The following FGGY variants were observed in gnomAD, a reference collection of about 807,000 sequenced individuals.
FGGY encodes the protein FGGY carbohydrate kinase domain containing.
FGGY carries 72 observed loss-of-function variants against 71.3 expected under a neutral mutation model. That is an observed-to-expected ratio of 1.01 (90% CI 0.84 to 1.23). The LOEUF is 1.23. FGGY is among the 50% of genes most tolerant of loss of function. The pLI is 0.00. For synonymous variants in FGGY, 251 were observed against 250.3 expected (o/e 1.00, Z -0.02); for missense variants, 668 against 682.3 (o/e 0.98, Z 0.23).
intron 8 of FGGY, among the ~76,000 whole-genome samples, chr1:59,583,000 G>A (rs1360216707): frequency 6.9e-6 from 1 of 144,734 alleles, no homozygotes; most frequent in East Asian, 2.0e-4. Flanking sequence ...GTGTACTGGT[G>A]TCTGTAATGC....
intron 4 of FGGY, among the ~76,000 whole-genome samples, chr1:59,355,219 G>T (rs1287956303): frequency 1.3e-5 from 2 of 149,526 alleles, no homozygotes; most frequent in Non-Finnish European, 3.0e-5. Flanking sequence ...ACTTCATACT[G>T]TTTTTTTTTT....
intron 5 of FGGY, among the ~76,000 whole-genome samples, chr1:59,441,303 C>T (rs1557935006): frequency 6.6e-6 from 1 of 152,112 alleles, no homozygotes; most frequent in Non-Finnish European, 1.5e-5. Context: ...TCTAACTGTG[C>T]AGGAGGGCAC....
chr1:59,653,143 C>G (rs1299527329), intron 11 of FGGY, among the ~76,000 whole-genome samples: 1 of 152,210 alleles, frequency 6.6e-6, no homozygotes, highest in Non-Finnish European at 1.5e-5. Context: ...GGGAGAACCA[C>G]TGCTCTCTTC....
intron 13 of FGGY, among the ~76,000 whole-genome samples, chr1:59,669,705 G>A (rs1025002319): frequency 1.3e-5 from 2 of 151,996 alleles, no homozygotes; most frequent in African/African-American, 2.4e-5. Context: ...CCAATTTCCA[G>A]CCTTCTGATA....
chr1:59,714,944 T>C (rs1320098138), intron 14 of FGGY, among the ~76,000 whole-genome samples: 2 of 152,242 alleles, frequency 1.3e-5, no homozygotes, highest in Non-Finnish European at 2.9e-5. Context: ...ACATGCATCA[T>C]ACTTCCGAGG....
chr1:59,709,287 G>T (rs1286468039), intron 14 of FGGY, among the ~76,000 whole-genome samples: 2 of 152,178 alleles, frequency 1.3e-5, no homozygotes, highest in African/African-American at 4.8e-5. Context: ...AAAAGAGTGA[G>T]TGCAGAGGAA....
chr1:59,314,041 C>T (rs1170684863), intron 1 of FGGY, among the ~76,000 whole-genome samples: 1 of 152,016 alleles, frequency 6.6e-6, no homozygotes, highest in Non-Finnish European at 1.5e-5. Context: ...ATCTCGCTCA[C>T]TGCAAGCTCT....
At chr1:59,577,681 A>G (rs2096106833) in intron 8 of FGGY, among the ~76,000 whole-genome samples, 1 of 152,178 alleles carries the variant, frequency 6.6e-6, no homozygotes, top group African/African-American at 2.4e-5. Flanking sequence ...GTAGTTTTAA[A>G]TACTTTATGA....
At chr1:59,551,454 G>T (rs1461325402) in intron 7 of FGGY, among the ~76,000 whole-genome samples, 1 of 152,206 alleles carries the variant, frequency 6.6e-6, no homozygotes, top group African/African-American at 2.4e-5. Context: ...AAATGTGGGT[G>T]ATTCTCAGGA....
intron 9 of FGGY, among the ~76,000 whole-genome samples, chr1:59,614,720 T>C (rs947209873): frequency 3.9e-5 from 6 of 152,188 alleles, no homozygotes; most frequent in Admixed American, 2.6e-4. Context: ...TTCCTGTTTG[T>C]AGATGACATG....
chr1:59,660,480 T>A (rs2097264459), intron 12 of FGGY, 187 bp downstream of exon 12: 2 of 424,236 alleles, frequency 4.7e-6, no homozygotes, highest in Admixed American at 8.0e-5. Flanking sequence ...CTTTAACTAA[T>A]AACCTCACAT....
In FGGY at chr1:59,501,159, A is replaced by G. The variant is rs553763503; in HGVS notation, c.671-11152A>G. Among the ~76,000 whole-genome samples the G allele has an allele frequency of 1.5e-4, 23 of 152,318 alleles. No homozygotes were observed. The East Asian group carries it at 4.2e-3, about 28-fold the overall frequency. On this transcript the variant is annotated intron_variant, in intron 6 of 15. Transcript: ENST00000303721. Reference sequence around the variant, plus strand: ...GTTTGCAAACAGTAGTCCAGACGAGAAACCAACGCTGGCCCTTGACAAAGT... The same window carrying G: ...GTTTGCAAACAGTAGTCCAGACGAGGAACCAACGCTGGCCCTTGACAAAGT...
At chr1:59,327,071 A>G (rs1480114976) in intron 2 of FGGY, among the ~76,000 whole-genome samples, 1 of 152,174 alleles carries the variant, frequency 6.6e-6, no homozygotes, top group Non-Finnish European at 1.5e-5. Flanking sequence ...CTGCTTACTA[A>G]TTAGGGTGGT....
At chr1:59,423,969 C>T (rs1389984975) in intron 5 of FGGY, among the ~76,000 whole-genome samples, 1 of 152,226 alleles carries the variant, frequency 6.6e-6, no homozygotes, top group Non-Finnish European at 1.5e-5. Context: ...CTATGGTGCC[C>T]TCCAAGGGGA....
chr1:59,355,281 A>G (rs1557652212), intron 4 of FGGY, among the ~76,000 whole-genome samples: 2 of 152,194 alleles, frequency 1.3e-5, no homozygotes, highest in Non-Finnish European at 2.9e-5. Flanking sequence ...CAGGTTTGTT[A>G]CATACTGTAA....
intron 4 of FGGY, among the ~76,000 whole-genome samples, chr1:59,375,749 G>C (rs1218696146): frequency 6.6e-6 from 1 of 152,086 alleles, no homozygotes; most frequent in African/African-American, 2.4e-5. Flanking sequence ...GTCTCTTTTT[G>C]GCAAAAGGCT....
chr1:59,641,876 A>G (rs1480861493), intron 11 of FGGY, among the ~76,000 whole-genome samples: 1 of 152,204 alleles, frequency 6.6e-6, no homozygotes, highest in Non-Finnish European at 1.5e-5. Context: ...CCTTGCATAA[A>G]AGCACAAGGT....
At chr1:59,670,452 A>G (rs1276840668) in intron 13 of FGGY, among the ~76,000 whole-genome samples, 4 of 152,200 alleles carry the variant, frequency 2.6e-5, no homozygotes, top group African/African-American at 9.6e-5. Flanking sequence ...TTTTTTGGAG[A>G]TAGTGTGGAA....
At chr1:59,494,350 GT>G (rs1259768669) in intron 6 of FGGY, among the ~76,000 whole-genome samples, 1 of 152,224 alleles carries the variant, frequency 6.6e-6, no homozygotes, top group African/African-American at 2.4e-5. Flanking sequence ...CCTAATCAGT[GT>G]GAACATGTGG....
Sources: allele counts gnomAD v4.1 joint callset (sites outside exome capture counted in the v4.1 genomes callset), GRCh38; gene constraint gnomAD v4.1.1; transcripts MANE v1.5; gene names NCBI Gene and HGNC (gene_info 2026-07-23, HGNC 2026-07-21).